UNC13C: variants seen among roughly 807,000 people sequenced by gnomAD.
UNC13C encodes the protein unc-13 homolog C, also known as protein unc-13 homolog C.
In UNC13C, 174 loss-of-function variants were observed where a neutral mutation model predicts 245.4. That is an observed-to-expected ratio of 0.71 (90% CI 0.63 to 0.80). UNC13C has a LOEUF of 0.80. Ranked by LOEUF, UNC13C falls within the 30% of genes least tolerant of loss-of-function variation. The pLI is 0.00. For missense variants in UNC13C, 2,829 were observed against 2,602.9 expected, an observed-to-expected ratio of 1.09 and a Z score of -1.89; for synonymous variants, 992 against 895.1, an observed-to-expected ratio of 1.11 and a Z score of -1.93.
chr15:54,337,154 A>C (rs2038599797), intron 16 of UNC13C, among the ~76,000 whole-genome samples: 1 of 152,174 alleles, frequency 6.6e-6, no homozygotes, highest in East Asian at 1.9e-4. Flanking sequence ...TTTTGGGAGC[A>C]GGGTGGGGGG....
chr15:54,260,005 G>A (rs1006326431), intron 8 of UNC13C, among the ~76,000 whole-genome samples: 1 of 151,822 alleles, frequency 6.6e-6, no homozygotes, highest in Non-Finnish European at 1.5e-5. Context: ...TTAACCCAGA[G>A]CCAAAGTAAA....
At chr15:54,028,991 G>A (rs1274167454) in intron 2 of UNC13C, among the ~76,000 whole-genome samples, 3 of 152,038 alleles carry the variant, frequency 2.0e-5, no homozygotes, top group Admixed American at 6.6e-5. Context: ...TACCTAAAAC[G>A]CACAGACTTC....
In UNC13C at chr15:54,294,022, G is replaced by A. The variant is rs777734668; in HGVS notation, c.3946G>A (p.Val1316Met). 1 of 1,587,218 alleles carries A rather than the reference G, an allele frequency of 6.3e-7. No homozygotes were observed. Among genetic ancestry groups the A allele is most frequent in the Non-Finnish European group, 8.6e-7 (1 of 1,169,030 alleles). The change falls in exon 11 of 33, where the codon GTG becomes ATG. Residue 1316 changes from valine to methionine, a missense_variant. By Grantham distance (21) the Val-to-Met change is conservative (BLOSUM62 1). Coordinates refer to ENST00000260323, the MANE Select transcript of UNC13C (RefSeq NM_001080534.3). Reference sequence around the variant, plus strand: ...TTTTCTGGGACAAACAATTGTAGAAGTGAGGACCTTGAGTGGAGAAATGGA... The same window carrying A: ...TTTTCTGGGACAAACAATTGTAGAAATGAGGACCTTGAGTGGAGAAATGGA... ...DDFLGQTIVE[V>M]RTLSGEMDVW... is the part of the protein sequence containing the mutation.
At chr15:54,032,901 A>C (rs572553489) in intron 2 of UNC13C, among the ~76,000 whole-genome samples, 61 of 152,310 alleles carry the variant, frequency 4.0e-4, no homozygotes, top group Admixed American at 1.1e-3. Flanking sequence ...ACCAAACATC[A>C]TATGTTCTCA....
intron 26 of UNC13C, among the ~76,000 whole-genome samples, chr15:54,544,787 G>A (rs992234806): frequency 1.3e-5 from 2 of 152,156 alleles, no homozygotes; most frequent in Admixed American, 1.3e-4. Flanking sequence ...ACTACTCAAG[G>A]AAATAAGAGA....
the UNC13C span, among the ~76,000 whole-genome samples, chr15:53,962,344 C>A: frequency 6.6e-6 from 1 of 151,868 alleles, no homozygotes; most frequent in East Asian, 1.9e-4. Flanking sequence ...AATTTGCTAA[C>A]CATGTTTAGA....
At chr15:54,060,968 G>A (rs747590156) in intron 2 of UNC13C, among the ~76,000 whole-genome samples, 3 of 152,132 alleles carry the variant, frequency 2.0e-5, no homozygotes, top group African/African-American at 7.2e-5. Context: ...GGACTGTTGT[G>A]GGGTAGGGGG....
At chr15:54,043,241 A>C (rs1314473539) in intron 2 of UNC13C, among the ~76,000 whole-genome samples, 1 of 152,248 alleles carries the variant, frequency 6.6e-6, no homozygotes, top group African/African-American at 2.4e-5. Context: ...AGCCTTGAGC[A>C]ACATGTCAAT....
intron 30 of UNC13C, among the ~76,000 whole-genome samples, chr15:54,617,911 T>G (rs1900548123): frequency 6.6e-6 from 1 of 152,030 alleles, no homozygotes; most frequent in Non-Finnish European, 1.5e-5. Context: ...TCTACCTCCT[T>G]GTTTTGTGGG....
intron 2 of UNC13C, among the ~76,000 whole-genome samples, chr15:54,130,184 G>A (rs1184770049): frequency 6.9e-6 from 1 of 145,008 alleles, no homozygotes; most frequent in African/African-American, 2.5e-5. Context: ...GTTGTATTTT[G>A]TTTTGTTATA....
intron 2 of UNC13C, among the ~76,000 whole-genome samples, chr15:54,026,284 G>A (rs1897036): frequency 0.054 from 8,238 of 152,244 alleles, 270 homozygotes; most frequent in Non-Finnish European, 0.069. Context: ...CCTGAAGATA[G>A]TTACCGGTCA....
chr15:54,115,563 T>C (rs8029280), intron 2 of UNC13C, among the ~76,000 whole-genome samples: 95,498 of 151,892 alleles, frequency 0.63, 30,045 homozygotes, highest in East Asian at 0.72. Flanking sequence ...GATATTCATA[T>C]AATGTGTAAA....
At chr15:54,224,299 A>C (rs1285545723) in intron 4 of UNC13C, among the ~76,000 whole-genome samples, 1 of 152,004 alleles carries the variant, frequency 6.6e-6, no homozygotes, top group Non-Finnish European at 1.5e-5. Flanking sequence ...TTAATGTGTT[A>C]AGGTATGTTC....
Position 54,455,671 on chromosome 15 carries a change from T to G in UNC13C, c.4934-38937T>G, listed in dbSNP as rs145089251. ...TTTATATCTTATTTTGAGAATTGTCTATTCATGAACTTAGCCTGATTTTTG... is the reference window on the plus strand; with the variant it reads ...TTTATATCTTATTTTGAGAATTGTCGATTCATGAACTTAGCCTGATTTTTG... On this transcript the variant is annotated intron_variant, in intron 19 of 32. Coordinates refer to ENST00000260323, the MANE Select transcript of UNC13C (RefSeq NM_001080534.3). 2.4e-4 allele frequency among the ~76,000 whole-genome samples: 36 copies of G among 152,158 alleles called. No individual in the cohort carries two copies. In the East Asian group the frequency reaches 4.3e-3, roughly 18 times the overall value.
At chr15:53,887,176 T>C in the UNC13C span, among the ~76,000 whole-genome samples, 1 of 152,184 alleles carries the variant, frequency 6.6e-6, no homozygotes, top group Non-Finnish European at 1.5e-5. Flanking sequence ...AATGTTTGTG[T>C]GTGGAAGGAG....
chr15:54,088,849 G>A (rs1899399773), intron 2 of UNC13C, among the ~76,000 whole-genome samples: 1 of 152,192 alleles, frequency 6.6e-6, no homozygotes, highest in South Asian at 2.1e-4. Flanking sequence ...TTCTTCCAGT[G>A]ATGCAGGATG....
chr15:53,974,504 A>T (rs540795158), upstream of UNC13C, among the ~76,000 whole-genome samples: 1 of 152,370 alleles, frequency 6.6e-6, no homozygotes, highest in Non-Finnish European at 1.5e-5. Flanking sequence ...CAGCAAGGAA[A>T]ATCAGGCAGA....
At chr15:54,034,426 A>G (rs78314654) in intron 2 of UNC13C, among the ~76,000 whole-genome samples, 3,330 of 152,274 alleles carry the variant, frequency 0.022, 121 homozygotes, top group South Asian at 0.13. Context: ...TCTGTAATTT[A>G]TGCTTTTGTT....
intron 19 of UNC13C, among the ~76,000 whole-genome samples, chr15:54,441,816 C>G (rs939469168): frequency 1.3e-5 from 2 of 151,992 alleles, no homozygotes; most frequent in African/African-American, 4.8e-5. Flanking sequence ...TCTTCTAATC[C>G]ATGAGCATAA....
Sources: allele counts gnomAD v4.1 joint callset (sites outside exome capture counted in the v4.1 genomes callset), GRCh38; gene constraint gnomAD v4.1.1; transcripts MANE v1.5; gene names NCBI Gene and HGNC (gene_info 2026-07-23, HGNC 2026-07-21).